NAV2: variants seen among roughly 807,000 people sequenced by gnomAD.
NAV2 encodes neuron navigator 2.
In NAV2, 54 loss-of-function variants were observed where a neutral mutation model predicts 223.2. That is an observed-to-expected ratio of 0.24 (90% CI 0.19 to 0.30). NAV2 has a LOEUF of 0.30. Among genes scored for constraint, NAV2 ranks in the 10% least tolerant of loss-of-function variants. The probability of loss-of-function intolerance (pLI) is 1.00; values close to 1 mark genes in which losing one functional copy is unlikely to be tolerated. For missense variants in NAV2, 2,806 were observed against 3,147.5 expected, an observed-to-expected ratio of 0.89 and a Z score of 2.60; for synonymous variants, 1,279 against 1,239.3, an observed-to-expected ratio of 1.03 and a Z score of -0.67.
intron 1 of NAV2, among the ~76,000 whole-genome samples, chr11:19,774,927 T>G (rs2056031092): frequency 1.3e-5 from 2 of 152,162 alleles, no homozygotes; most frequent in Non-Finnish European, 2.9e-5. Flanking sequence ...TTTCTGCAGA[T>G]GTATAGATCG....
intron 1 of NAV2, among the ~76,000 whole-genome samples, chr11:19,790,582 C>T (rs1037238096): frequency 5.3e-5 from 8 of 152,134 alleles, no homozygotes; most frequent in South Asian, 2.1e-4. Flanking sequence ...AGCTGTGTGA[C>T]CCAGGACAAG....
chr11:19,645,844 A>T (rs979584177), intron 1 of NAV2, among the ~76,000 whole-genome samples: 1 of 152,174 alleles, frequency 6.6e-6, no homozygotes, highest in African/African-American at 2.4e-5. Context: ...GGTGGAAACT[A>T]GTATTTTACA....
intron 19 of NAV2, among the ~76,000 whole-genome samples, chr11:20,062,000 A>G (rs2058739059): frequency 6.6e-6 from 1 of 152,216 alleles, no homozygotes; most frequent in Admixed American, 6.5e-5. Context: ...GTGACAGTGA[A>G]TATGCTTCTT....
At chr11:19,964,071 C>T (rs1282352195) in intron 10 of NAV2, among the ~76,000 whole-genome samples, 2 of 152,106 alleles carry the variant, frequency 1.3e-5, no homozygotes, top group African/African-American at 2.4e-5. Flanking sequence ...GAATTGTGCA[C>T]GGCAAGTTAG....
chr11:19,774,543 T>C (rs1402064368), intron 1 of NAV2, among the ~76,000 whole-genome samples: 1 of 152,214 alleles, frequency 6.6e-6, no homozygotes, highest in Admixed American at 6.5e-5. Flanking sequence ...TTGCATTACA[T>C]TGCAACTGTT....
chr11:20,050,417 A>G (rs1401351266), intron 16 of NAV2, among the ~76,000 whole-genome samples: 1 of 152,064 alleles, frequency 6.6e-6, no homozygotes, highest in East Asian at 1.9e-4. Context: ...TGCGATGATA[A>G]TGAAAAAGAA....
At chr11:19,362,659 T>C (rs1372278663) in intron 1 of NAV2, among the ~76,000 whole-genome samples, 1 of 152,202 alleles carries the variant, frequency 6.6e-6, no homozygotes, top group African/African-American at 2.4e-5. Flanking sequence ...ACAGGTTCTG[T>C]AGTTACCTGG....
intron 4 of NAV2, among the ~76,000 whole-genome samples, chr11:19,879,134 G>A (rs1032169537): frequency 6.6e-6 from 1 of 152,156 alleles, no homozygotes; most frequent in Non-Finnish European, 1.5e-5. Context: ...AGCCCCTCGT[G>A]AGCCATAGCC....
At chr11:20,069,480 G>C (rs987844950) in intron 22 of NAV2, among the ~76,000 whole-genome samples, 6 of 152,138 alleles carry the variant, frequency 3.9e-5, no homozygotes, top group Admixed American at 6.5e-5. Context: ...GGGTGGGCTG[G>C]TTTGCACTTT....
intron 1 of NAV2, among the ~76,000 whole-genome samples, chr11:19,437,899 A>C (rs1330044470): frequency 6.6e-6 from 1 of 152,208 alleles, no homozygotes. Context: ...TTAGAGGCTG[A>C]GTTTTCAGAA....
chr11:19,394,521 C>T (rs1418646461), intron 1 of NAV2, among the ~76,000 whole-genome samples: 5 of 151,572 alleles, frequency 3.3e-5, no homozygotes, highest in Admixed American at 6.6e-5. Flanking sequence ...ATGTGAGGAG[C>T]GATGGCTCTT....
At chr11:20,082,923 G>C in intron 25 of NAV2, 84 bp from the exon 26 acceptor site, 1 of 1,282,390 alleles carries the variant, frequency 7.8e-7, no homozygotes. Flanking sequence ...AGAATTAATC[G>C]CTTTTTTGTG....
chr11:19,516,073 G>A (rs2043436575), intron 1 of NAV2, among the ~76,000 whole-genome samples: 2 of 152,198 alleles, frequency 1.3e-5, no homozygotes, highest in Admixed American at 1.3e-4. Flanking sequence ...GGAGTTATGA[G>A]CATGTAATTC....
At chr11:19,436,301 A>C (rs917328339) in intron 1 of NAV2, among the ~76,000 whole-genome samples, 1 of 152,188 alleles carries the variant, frequency 6.6e-6, no homozygotes, top group Non-Finnish European at 1.5e-5. Context: ...GTAGATGTCC[A>C]GTTATCCGAA....
chr11:19,877,599 A>T (rs2153080493), intron 4 of NAV2, among the ~76,000 whole-genome samples: 1 of 150,210 alleles, frequency 6.7e-6, no homozygotes, highest in East Asian at 2.0e-4. Flanking sequence ...CAGCCTCCTG[A>T]GTAGCTGGGA....
At chr11:19,905,544 A>G (rs987851506) in intron 6 of NAV2, among the ~76,000 whole-genome samples, 26 of 152,278 alleles carry the variant, frequency 1.7e-4, no homozygotes, top group Admixed American at 1.0e-3. Flanking sequence ...ATTTTTAACT[A>G]TTTCTGTATA....
chr11:19,623,666 C>T (rs946597810), intron 1 of NAV2, among the ~76,000 whole-genome samples: 10 of 152,206 alleles, frequency 6.6e-5, no homozygotes, highest in African/African-American at 2.2e-4. Flanking sequence ...AGCCATTCGT[C>T]TAATCTTTTT....
At chr11:19,919,775 T>C (rs932241152) in intron 6 of NAV2, among the ~76,000 whole-genome samples, 2 of 152,214 alleles carry the variant, frequency 1.3e-5, no homozygotes, top group Admixed American at 1.3e-4. Context: ...CATTGCCCTT[T>C]TGCTGCTCAT....
chr11:19,497,111 A>G lies in NAV2; in HGVS notation c.75+146084A>G, dbSNP rs986976128. Among the ~76,000 whole-genome samples, 34 of 152,228 alleles carry G rather than the reference A, an allele frequency of 2.2e-4. 1 individual carries two copies. Among genetic ancestry groups the G allele is most frequent in the African/African-American group, 8.2e-4 (34 of 41,468 alleles). ...TACCCATTCCAAAGTGCAGAAGTTAAGGGGTTAAATCCTGGTGTTATCACA... is the reference window on the plus strand; with the variant it reads ...TACCCATTCCAAAGTGCAGAAGTTAGGGGGTTAAATCCTGGTGTTATCACA... On this transcript the variant is annotated intron_variant, in intron 1 of 37. Coordinates refer to the NAV2 transcript ENST00000360655.
Sources: gnomAD v4.1 joint callset for allele counts (sites outside exome capture counted in the v4.1 genomes callset) on GRCh38, gnomAD v4.1.1 for gene constraint, MANE v1.5 for transcripts, NCBI Gene and HGNC (gene_info 2026-07-23, HGNC 2026-07-21) for gene names.